RBBP8: variants seen among roughly 807,000 people sequenced by gnomAD.
The protein encoded by RBBP8 is RB binding protein 8, endonuclease.
Under a neutral mutation model 108.3 loss-of-function variants are expected in RBBP8, and 88 were observed. The ratio of observed to expected loss-of-function variants is 0.81; its 90% CI spans 0.68 to 0.97. The LOEUF (loss-of-function observed/expected upper bound fraction) is 0.97. RBBP8 is among the 50% of genes least tolerant of loss of function. The pLI is 0.00. For missense variants in RBBP8, 1,023 were observed against 1,049.0 expected (o/e 0.98, Z 0.34); for synonymous variants, 332 against 348.2 (o/e 0.95, Z 0.52).
At chr18:22,933,905 G>A (rs1910265667) in intron 1 of RBBP8, 1 of 152,340 alleles carries the variant, frequency 6.6e-6, no homozygotes, top group African/African-American at 2.4e-5. Flanking sequence ...GGCACCTGGG[G>A]AGAAATGGAT....
At position 22,949,738 on chromosome 18, in the gene RBBP8, G is replaced by A. The variant is rs1264195423; in HGVS notation, c.248+25G>A. ...GGTGAGTCTGGCACTTAGGTCTTGA[G>A]TAAGAAGTGATTTCCTCCATAATAA... On this transcript the variant is annotated intron_variant, in intron 4 of 18. Transcript: ENST00000327155. 8 of 1,499,156 alleles carry A rather than the reference G, an allele frequency of 5.3e-6. No homozygotes were observed. In the South Asian group the frequency reaches 7.9e-5, roughly 15 times the overall value. The allele number at this position is 1,499,156 out of a possible 1,614,324, so 92.9% of individuals were successfully genotyped here.
chr18:22,916,267 C>T (rs1909351294), intron 2 of RBBP8, among the ~76,000 whole-genome samples: 1 of 108,148 alleles, frequency 9.2e-6, no homozygotes, highest in Non-Finnish European at 2.5e-5. Flanking sequence ...ACTTCTTTCC[C>T]TCCTGAATAT....
chr18:22,959,798 AAT>A, intron 4 of RBBP8, among the ~76,000 whole-genome samples: 1 of 150,674 alleles, frequency 6.6e-6, no homozygotes, highest in Non-Finnish European at 1.5e-5. Context: ...TTTTTCCAGG[AAT>A]GCTAGATAGC....
At chr18:22,940,384 G>A (rs1910980433) in intron 2 of RBBP8, among the ~76,000 whole-genome samples, 1 of 141,506 alleles carries the variant, frequency 7.1e-6, no homozygotes, top group African/African-American at 2.7e-5. Flanking sequence ...GCAGTGGCGC[G>A]ATCTCGGCTC....
At chr18:22,940,880 G>T (rs926032210) in intron 2 of RBBP8, among the ~76,000 whole-genome samples, 2 of 151,880 alleles carry the variant, frequency 1.3e-5, no homozygotes, top group Non-Finnish European at 2.9e-5. Context: ...CTGGGCTCAA[G>T]CAGTCCTCTG....
intron 3 of RBBP8, among the ~76,000 whole-genome samples, chr18:22,925,076 G>A (rs1436520442): frequency 2.6e-5 from 4 of 151,872 alleles, no homozygotes; most frequent in African/African-American, 9.7e-5. Flanking sequence ...TAGAGACAGG[G>A]TCTTGTTATG....
intron 2 of RBBP8, among the ~76,000 whole-genome samples, chr18:22,940,522 G>A (rs2144421776): frequency 6.6e-6 from 1 of 151,898 alleles, no homozygotes; most frequent in South Asian, 2.1e-4. Flanking sequence ...GGGTTTCACT[G>A]TGTTAGCCAG....
In RBBP8 at chr18:23,022,204, C is replaced by A; in HGVS notation, c.2530C>A (p.Pro844Thr). 1 of 1,611,936 alleles carries A rather than the reference C, an allele frequency of 6.2e-7. No homozygotes were observed. Among genetic ancestry groups the A allele is most frequent in the Non-Finnish European group, 8.5e-7 (1 of 1,177,968 alleles). ...SCSRHRFRYI[P>T]PNTPENFWEV... ...CTCAAGACACCGATTCCGCTACATT[C>A]CACCCAACACACCAGAGAATTTTTG... The change falls in exon 18 of 19, where the codon CCA becomes ACA. Residue 844 changes from proline to threonine, a missense_variant. Coordinates refer to ENST00000327155, the MANE Select transcript of RBBP8 (RefSeq NM_002894.3).
chr18:23,015,477 A>G (rs909386418), intron 16 of RBBP8, among the ~76,000 whole-genome samples: 4 of 152,094 alleles, frequency 2.6e-5, no homozygotes, highest in Admixed American at 6.6e-5. Flanking sequence ...TCCCACTTGT[A>G]TATTTTTGCT....
intron 9 of RBBP8, 115 bp from the exon 10 acceptor site, chr18:22,990,822 C>A: frequency 1.4e-6 from 1 of 732,504 alleles, no homozygotes; most frequent in Non-Finnish European, 2.4e-6. Context: ...CTTTGTCTGG[C>A]TTCTTAGTAT....
intron 4 of RBBP8, among the ~76,000 whole-genome samples, chr18:22,960,539 C>G (rs375880262): frequency 1.1e-3 from 174 of 152,278 alleles, no homozygotes; most frequent in African/African-American, 3.9e-3. Context: ...GAGCAAGACC[C>G]TGTCTCAACA....
At chr18:23,020,041 T>G (rs1183967915) in intron 17 of RBBP8, among the ~76,000 whole-genome samples, 1 of 151,726 alleles carries the variant, frequency 6.6e-6, no homozygotes, top group Non-Finnish European at 1.5e-5. Context: ...GGATTACAGG[T>G]GTGAGCCACT....
intron 18 of RBBP8, among the ~76,000 whole-genome samples, chr18:23,022,571 C>T (rs1352030877): frequency 7.8e-6 from 1 of 127,538 alleles, no homozygotes; most frequent in African/African-American, 3.5e-5. Context: ...CATTGCACTC[C>T]AGCCTGGGCG....
At chr18:22,967,381 A>AAG (rs1913703182) in intron 4 of RBBP8, among the ~76,000 whole-genome samples, 1 of 151,444 alleles carries the variant, frequency 6.6e-6, no homozygotes, top group Non-Finnish European at 1.5e-5. Context: ...AAAAAAAAAA[A>AAG]CAATTATCTT....
intron 4 of RBBP8, among the ~76,000 whole-genome samples, chr18:22,959,101 G>T (rs1912845165): frequency 6.6e-6 from 1 of 152,002 alleles, no homozygotes; most frequent in South Asian, 2.1e-4. Context: ...CCTTTCTATT[G>T]GTTTTTTAAG....
intron 4 of RBBP8, among the ~76,000 whole-genome samples, chr18:22,959,157 G>A (rs1912849609): frequency 6.6e-6 from 1 of 152,084 alleles, no homozygotes; most frequent in African/African-American, 2.4e-5. Flanking sequence ...GAAAAAGAAG[G>A]CACAGGAACT....
intron 8 of RBBP8, among the ~76,000 whole-genome samples, 171 bp from the exon 9 acceptor site, chr18:22,989,049 AT>A (rs752519119): frequency 6.6e-6 from 1 of 152,224 alleles, no homozygotes; most frequent in Non-Finnish European, 1.5e-5. Flanking sequence ...ACTTATTGCC[AT>A]TTATGGTAGG....
intron 8 of RBBP8, among the ~76,000 whole-genome samples, chr18:22,986,742 C>T (rs963615160): frequency 6.6e-6 from 1 of 152,148 alleles, no homozygotes; most frequent in Non-Finnish European, 1.5e-5. Flanking sequence ...ATCACTTATT[C>T]ATTTTATAAT....
intron 6 of RBBP8, among the ~76,000 whole-genome samples, chr18:22,976,258 T>G (rs1215294075): frequency 6.6e-6 from 1 of 152,088 alleles, no homozygotes; most frequent in African/African-American, 2.4e-5. Context: ...CCAAAGGGAA[T>G]TTTGAGGAGA....
Sources: gnomAD v4.1 joint callset for allele counts (sites outside exome capture counted in the v4.1 genomes callset) on GRCh38, gnomAD v4.1.1 for gene constraint, MANE v1.5 for transcripts, NCBI Gene and HGNC (gene_info 2026-07-23, HGNC 2026-07-21) for gene names.